Variants in ARHGAP29 observed in about 807,000 individuals in gnomAD.
ARHGAP29 encodes the protein rho GTPase-activating protein 29.
ARHGAP29 carries 43 observed loss-of-function variants against 122.6 expected under a neutral mutation model. The observed-to-expected ratio is 0.35, with a 90% CI of 0.27 to 0.45. The LOEUF is 0.45. Ranked by LOEUF, ARHGAP29 falls within the 20% of genes least tolerant of loss-of-function variation. The pLI, the probability that ARHGAP29 is intolerant of heterozygous loss-of-function variation, is 1.00. For missense variants in ARHGAP29, 1,303 were observed against 1,477.2 expected (o/e 0.88, Z 1.93); for synonymous variants, 506 against 497.1 (o/e 1.02, Z -0.24).
intron 12 of ARHGAP29, among the ~76,000 whole-genome samples, chr1:94,196,285 G>C (rs540890064): frequency 1.9e-5 from 2 of 104,408 alleles, no homozygotes; most frequent in African/African-American, 7.1e-5. Context: ...TTTTTGAGAC[G>C]GAGTCTCGCT....
chr1:94,235,070 CAAGGAGAA>C (rs1301160431), intron 1 of ARHGAP29, among the ~76,000 whole-genome samples: 1 of 152,052 alleles, frequency 6.6e-6, no homozygotes, highest in East Asian at 1.9e-4. Context: ...AAACACATGG[CAAGGAGAA>C]GAGGAACTCT....
intron 3 of ARHGAP29, among the ~76,000 whole-genome samples, chr1:94,210,884 G>A (rs1053441786): frequency 3.7e-5 from 5 of 133,624 alleles, no homozygotes; most frequent in Non-Finnish European, 7.9e-5. Context: ...GCCTGACAGA[G>A]CAAAACTCTG....
rs374400446 is a variant in ARHGAP29 at position 94,171,133 on chromosome 1, T to C, written c.*2736A>G. Among the ~76,000 whole-genome samples the C allele has an allele frequency of 1.9e-4, 29 of 152,318 alleles. No individual in the cohort carries two copies. The South Asian group carries it at 3.7e-3, about 20-fold the overall frequency. On this transcript the variant is annotated 3_prime_UTR_variant, in exon 23 of 23. Transcript: ENST00000260526. ...ATTTAGAGAGATGTTTCCAGTTGTA[T>C]AAATACTGTAACACAACGATAGCTG...
the ARHGAP29 span, among the ~76,000 whole-genome samples, chr1:94,297,610 A>G: frequency 1.3e-5 from 2 of 152,268 alleles, no homozygotes; most frequent in South Asian, 4.1e-4. Flanking sequence ...TCTTAGCAAC[A>G]TTGCTAAAGA....
chr1:94,306,325 G>A, the ARHGAP29 span, among the ~76,000 whole-genome samples: 1 of 152,208 alleles, frequency 6.6e-6, no homozygotes, highest in Non-Finnish European at 1.5e-5. Context: ...GGCTGGATTC[G>A]CAGAGAGAGA....
At chr1:94,248,290 C>T (rs1021055230) in intron 1 of ARHGAP29, among the ~76,000 whole-genome samples, 7 of 152,222 alleles carry the variant, frequency 4.6e-5, no homozygotes, top group African/African-American at 1.4e-4. Context: ...GATCGCATGT[C>T]CCCTAACCAC....
At chr1:94,244,478 T>C (rs1027231075) in intron 1 of ARHGAP29, among the ~76,000 whole-genome samples, 2 of 131,090 alleles carry the variant, frequency 1.5e-5, no homozygotes, top group African/African-American at 5.7e-5. Context: ...ATTTCTTCTA[T>C]CTGATAAAGG....
intron 3 of ARHGAP29, among the ~76,000 whole-genome samples, chr1:94,216,016 G>A (rs1651937828): frequency 6.6e-6 from 1 of 152,140 alleles, no homozygotes; most frequent in Non-Finnish European, 1.5e-5. Flanking sequence ...CTATCATACT[G>A]GATAACAGAG....
intron 12 of ARHGAP29, among the ~76,000 whole-genome samples, chr1:94,196,546 C>T (rs1327648315): frequency 1.3e-5 from 2 of 151,914 alleles, no homozygotes; most frequent in Non-Finnish European, 2.9e-5. Context: ...CAGGCGTGAG[C>T]CACCGCGCCC....
intron 22 of ARHGAP29, 181 bp downstream of exon 22, chr1:94,177,431 A>C (rs1649162787): frequency 2.2e-6 from 1 of 450,884 alleles, no homozygotes; most frequent in Non-Finnish European, 3.9e-6. Flanking sequence ...ATGAAGAATG[A>C]CATTCATTTA....
intron 20 of ARHGAP29, 31 bp downstream of exon 20, chr1:94,179,694 A>G: frequency 7.1e-7 from 1 of 1,401,574 alleles, no homozygotes; most frequent in Non-Finnish European, 9.9e-7. Flanking sequence ...ATTGCCCATT[A>G]ATAAATGTTC....
chr1:94,305,318 G>A, the ARHGAP29 span, among the ~76,000 whole-genome samples: 60 of 152,322 alleles, frequency 3.9e-4, no homozygotes, highest in African/African-American at 1.3e-3. Flanking sequence ...TGGTCATGGG[G>A]TTTGTTCTGA....
At chr1:94,292,125 A>C in the ARHGAP29 span, among the ~76,000 whole-genome samples, 3 of 152,096 alleles carry the variant, frequency 2.0e-5, no homozygotes, top group South Asian at 6.2e-4. Context: ...ACATAGTCCC[A>C]TATTTCTTGG....
intron 1 of ARHGAP29, among the ~76,000 whole-genome samples, chr1:94,247,211 G>C: frequency 6.6e-6 from 1 of 152,114 alleles, no homozygotes. Context: ...GAAAACCAAT[G>C]GGGTAAGGGT....
At chr1:94,175,906 T>C (rs1649063297) in intron 22 of ARHGAP29, among the ~76,000 whole-genome samples, 1 of 152,114 alleles carries the variant, frequency 6.6e-6, no homozygotes, top group African/African-American at 2.4e-5. Context: ...GGTTTCACCA[T>C]GTTGGCCAGG....
At chr1:94,183,026 A>G (rs576735429) in intron 19 of ARHGAP29, among the ~76,000 whole-genome samples, 2 of 152,296 alleles carry the variant, frequency 1.3e-5, no homozygotes, top group East Asian at 3.9e-4. Context: ...TAACAATAAT[A>G]TATTACATAC....
the ARHGAP29 span, among the ~76,000 whole-genome samples, chr1:94,309,920 C>G: frequency 2.0e-5 from 3 of 152,230 alleles, no homozygotes; most frequent in Admixed American, 6.5e-5. Flanking sequence ...ATGTCTGTAG[C>G]CCAGTACTGA....
chr1:94,220,215 C>T, intron 3 of ARHGAP29, 43 bp downstream of exon 3: 1 of 1,609,194 alleles, frequency 6.2e-7, no homozygotes, highest in East Asian at 2.2e-5. Context: ...TCACTTGGCT[C>T]CTTTTTGCCC....
intron 3 of ARHGAP29, among the ~76,000 whole-genome samples, chr1:94,217,789 C>T (rs1332620125): frequency 6.6e-6 from 1 of 151,988 alleles, no homozygotes; most frequent in Non-Finnish European, 1.5e-5. Flanking sequence ...TTTAAGATTA[C>T]AGTGAGCTAT....
Sources: gnomAD v4.1 joint callset for allele counts (sites outside exome capture counted in the v4.1 genomes callset) on GRCh38, gnomAD v4.1.1 for gene constraint, MANE v1.5 for transcripts, NCBI Gene and HGNC (gene_info 2026-07-23, HGNC 2026-07-21) for gene names.